PGBD2: variants seen among roughly 807,000 people sequenced by gnomAD.
The protein encoded by PGBD2 is piggyBac transposable element derived 2.
Under a neutral mutation model 8.1 loss-of-function variants are expected in PGBD2, and 6 were observed. The ratio of observed to expected loss-of-function variants is 0.74; its 90% CI spans 0.40 to 1.46. The LOEUF (loss-of-function observed/expected upper bound fraction) is 1.46, where lower values mean the gene tolerates loss of function less well. Among genes scored for constraint, PGBD2 ranks in the 40% most tolerant of loss-of-function variants. The pLI is 0.02. For missense variants in PGBD2, 802 were observed against 739.0 expected (o/e 1.09, Z -0.99); for synonymous variants, 318 against 272.2 (o/e 1.17, Z -1.66).
the PGBD2 span, among the ~76,000 whole-genome samples, chr1:248,925,017 T>C: frequency 2.0e-5 from 3 of 152,134 alleles, no homozygotes; most frequent in Non-Finnish European, 4.4e-5. Context: ...AGGGCTTTTT[T>C]TTTTCTTTTT....
At chr1:248,913,391 T>C (rs1661979450) in intron 1 of PGBD2, among the ~76,000 whole-genome samples, 1 of 152,270 alleles carries the variant, frequency 6.6e-6, no homozygotes, top group South Asian at 2.1e-4. Context: ...TTTCAGGATC[T>C]GTCTGCTGTC....
downstream of PGBD2, among the ~76,000 whole-genome samples, chr1:248,921,260 T>A (rs931606085): frequency 6.6e-6 from 1 of 152,230 alleles, no homozygotes; most frequent in Non-Finnish European, 1.5e-5. Context: ...CTTCTAGGAT[T>A]TTTATGGTTC....
chr1:248,914,893 G>T (rs192843880), intron 2 of PGBD2, among the ~76,000 whole-genome samples: 3 of 152,230 alleles, frequency 2.0e-5, no homozygotes, highest in East Asian at 1.9e-4. Flanking sequence ...CTGCAGCCTC[G>T]CTGATCTCCT....
At chr1:248,889,124 C>T in the PGBD2 span, among the ~76,000 whole-genome samples, 4 of 152,162 alleles carry the variant, frequency 2.6e-5, no homozygotes, top group Non-Finnish European at 4.4e-5. Flanking sequence ...CTGTGGCTCA[C>T]GCCTGTAATC....
chr1:248,916,990 A>C lies in PGBD2; in HGVS notation c.406A>C (p.Ser136Arg). ...AGATCCTCATATTGAGGATCTGAAA[A>C]GCCAAGAGCTGAGTCCCGTGGGCCT... The part of the protein sequence containing the change: ...ASDPHIEDLK[S>R]QELSPVGLFE... The change falls in exon 3 of 3, where the codon AGC becomes CGC. Residue 136 changes from serine to arginine, a missense_variant. Transcript: ENST00000329291. The C allele has an allele frequency of 6.2e-7, 1 of 1,611,832 alleles. No homozygotes were observed. The highest frequency in any genetic ancestry group is 8.5e-7 in the Non-Finnish European group (1 of 1,179,470).
chr1:248,913,592 G>T (rs190345997), intron 1 of PGBD2, among the ~76,000 whole-genome samples: 34 of 152,300 alleles, frequency 2.2e-4, no homozygotes, highest in African/African-American at 8.2e-4. Context: ...CACAAGGGAA[G>T]ACTCATCTAG....
chr1:248,914,373 A>G (rs1420835870), intron 2 of PGBD2: 2 of 982,668 alleles, frequency 2.0e-6, no homozygotes, highest in Non-Finnish European at 1.2e-6. Flanking sequence ...CCTTACTCCA[A>G]GGTCCATGAG....
Position 248,917,744 on chromosome 1 carries a change from C to A in PGBD2, c.1160C>A (p.Pro387His). The stretch of plus-strand genomic sequence containing the variant: ...ACTGAGCGATGTCCCCTAAAAGACC[C>A]CAAAGAACTGAAAAAAATGAAGAGG... ...YRTERCPLKD[P>H]KELKKMKRGS... The change falls in exon 3 of 3, where the codon CCC becomes CAC. Residue 387 changes from proline to histidine, a missense_variant. Pro to His is a moderately conservative substitution (Grantham distance 77). Coordinates refer to ENST00000329291, the MANE Select transcript of PGBD2 (RefSeq NM_170725.3). 1 of 1,614,106 alleles carries A rather than the reference C, an allele frequency of 6.2e-7. No homozygotes were observed. The highest frequency in any genetic ancestry group is 1.6e-4 in the Middle Eastern group (1 of 6,062).
At chr1:248,889,912 CT>C in the PGBD2 span, among the ~76,000 whole-genome samples, 1 of 150,326 alleles carries the variant, frequency 6.7e-6, no homozygotes, top group East Asian at 1.9e-4. Flanking sequence ...ACCCTGAATC[CT>C]TTTCTTTTTC....
the PGBD2 span, among the ~76,000 whole-genome samples, chr1:248,894,428 G>A: frequency 0.01 from 1,560 of 152,100 alleles, 36 homozygotes; most frequent in African/African-American, 0.036. Flanking sequence ...AATCCATTTT[G>A]AGTTAATTTT....
chr1:248,916,493 G>A (rs1662101032), intron 2 of PGBD2, 109 bp from the exon 3 acceptor site: 2 of 857,652 alleles, frequency 2.3e-6, no homozygotes, highest in East Asian at 2.5e-5. Context: ...CCAGATCTGT[G>A]AAGCCATTCA....
chr1:248,929,816 C>A, the PGBD2 span, among the ~76,000 whole-genome samples: 1 of 152,160 alleles, frequency 6.6e-6, no homozygotes, highest in Non-Finnish European at 1.5e-5. Flanking sequence ...GCAGGAAACT[C>A]TCTCAGTGTG....
At chr1:248,874,351 C>CT in the PGBD2 span, among the ~76,000 whole-genome samples, 1 of 152,292 alleles carries the variant, frequency 6.6e-6, no homozygotes, top group South Asian at 2.1e-4. Flanking sequence ...TGCCGCAGGG[C>CT]TAACCATAGG....
the PGBD2 span, among the ~76,000 whole-genome samples, chr1:248,899,776 T>A: frequency 6.9e-6 from 1 of 144,858 alleles, no homozygotes; most frequent in Non-Finnish European, 1.5e-5. Context: ...AATCAGCAAA[T>A]TCAGGAGCTG....
In PGBD2 at chr1:248,913,840, C is replaced by T. The variant is rs1490885228; in HGVS notation, c.-23C>T. On this transcript the variant is annotated 5_prime_UTR_variant, in exon 2 of 3. Transcript: ENST00000329291. ...GGTTCTTAGACTCTGTGAGTAAAGA[C>T]AGCTTCATCTTCCCAGTTCATCATG... The T allele has an allele frequency of 1.2e-6, 2 of 1,600,652 alleles. No individual in the cohort carries two copies. Among genetic ancestry groups the T allele is most frequent in the East Asian group, 2.2e-5 (1 of 44,832 alleles).
the PGBD2 span, among the ~76,000 whole-genome samples, chr1:248,890,622 A>G: frequency 1.3e-5 from 2 of 151,624 alleles, no homozygotes; most frequent in Non-Finnish European, 2.9e-5. Flanking sequence ...CACACATACC[A>G]CATCATACAC....
the PGBD2 span, among the ~76,000 whole-genome samples, chr1:248,894,872 T>C: frequency 1.3e-5 from 2 of 152,040 alleles, no homozygotes; most frequent in Non-Finnish European, 2.9e-5. Flanking sequence ...CATAGCTCAC[T>C]GCAACCTCAA....
intron 1 of PGBD2, among the ~76,000 whole-genome samples, chr1:248,907,277 A>G (rs1324463411): frequency 6.6e-6 from 1 of 152,234 alleles, no homozygotes; most frequent in Admixed American, 6.5e-5. Context: ...CAGTGGAATA[A>G]AGAATAACAG....
chr1:248,880,748 G>A, the PGBD2 span, among the ~76,000 whole-genome samples: 2 of 152,120 alleles, frequency 1.3e-5, no homozygotes, highest in African/African-American at 4.8e-5. Flanking sequence ...GTCAGCTTAA[G>A]GGCTTTTATT....
Sources: gnomAD v4.1 joint callset for allele counts (sites outside exome capture counted in the v4.1 genomes callset) on GRCh38, gnomAD v4.1.1 for gene constraint, MANE v1.5 for transcripts, NCBI Gene and HGNC (gene_info 2026-07-23, HGNC 2026-07-21) for gene names.